The following PCDHGA6 variants were observed in gnomAD, a reference collection of about 807,000 sequenced individuals.
The protein encoded by PCDHGA6 is protocadherin gamma-A6.
PCDHGA6 carries 41 observed loss-of-function variants against 60.6 expected under a neutral mutation model. That is an observed-to-expected ratio of 0.68 (90% CI 0.53 to 0.88). PCDHGA6 has a LOEUF of 0.88. PCDHGA6 is among the 40% of genes least tolerant of loss of function. The pLI, the probability that PCDHGA6 is intolerant of heterozygous loss-of-function variation, is 0.00. For missense variants in PCDHGA6, 1,312 were observed against 1,203.0 expected (o/e 1.09, Z -1.34); for synonymous variants, 594 against 524.4 (o/e 1.13, Z -1.81).
chr5:141,443,820 T>C (rs1329478151), intron 1 of PCDHGA6, among the ~76,000 whole-genome samples: 1 of 151,986 alleles, frequency 6.6e-6, no homozygotes. Flanking sequence ...TTGGAAAACA[T>C]AATTAGGTAA....
chr5:141,398,369 G>A (rs889057054), intron 1 of PCDHGA6: 2 of 1,428,778 alleles, frequency 1.4e-6, no homozygotes, highest in African/African-American at 2.9e-5. Context: ...AGCGCAGAGA[G>A]CGGGGAGTTG....
intron 1 of PCDHGA6, chr5:141,379,581 T>A (rs1300858565): frequency 6.6e-6 from 1 of 152,240 alleles, no homozygotes; most frequent in Non-Finnish European, 1.5e-5. Context: ...TGGTTTATTT[T>A]ATTCTCTTAT....
At chr5:141,435,214 AC>A (rs1332585721) in intron 1 of PCDHGA6, among the ~76,000 whole-genome samples, 1 of 152,176 alleles carries the variant, frequency 6.6e-6, no homozygotes, top group African/African-American at 2.4e-5. Flanking sequence ...AAGTGAATTT[AC>A]TTTCTTTCAA....
Position 141,432,151 on chromosome 5 carries a change from C to T in PCDHGA6, c.2424+55644C>T. 2 of 1,614,122 alleles carry T rather than the reference C, an allele frequency of 1.2e-6. No homozygotes were observed. The highest frequency in any genetic ancestry group is 2.2e-5 in the South Asian group (2 of 91,066). ...CCTATTCCGCTTATATCCCAGAGAA[C>T]AATCCCAGAGGAGTTTCCCTCGTCT... On this transcript the variant is annotated intron_variant, in intron 1 of 3. Transcript: ENST00000517434. The surrounding 1 kb of genome is among the most constrained non-coding windows in gnomAD (Gnocchi z 6.0).
chr5:141,485,239 C>T lies in PCDHGA6; in HGVS notation c.2425-9568C>T. ...GGGCTACCCTTTTGTTCCTCTTTTA[C>T]CACCTGGGTTACGTTTGTGGGCAGA... On this transcript the variant is annotated intron_variant, in intron 1 of 3. Transcript: ENST00000517434. This position sits in a 1 kb window ranked among gnomAD's most constrained non-coding sequence, Gnocchi z 5.7. The T allele has an allele frequency of 6.2e-7, 1 of 1,614,140 alleles. No homozygotes were observed. Among genetic ancestry groups the T allele is most frequent in the South Asian group, 1.1e-5 (1 of 91,072 alleles).
intron 1 of PCDHGA6, chr5:141,413,071 G>A (rs1589838233): frequency 1.7e-6 from 2 of 1,211,262 alleles, no homozygotes; most frequent in Admixed American, 2.8e-5. Flanking sequence ...AATTTAAAGT[G>A]CCCAGGCTAC....
In PCDHGA6 at chr5:141,376,319, G is replaced by C; in HGVS notation, c.2236G>C (p.Val746Leu). 6 of 1,614,220 alleles carry C rather than the reference G, an allele frequency of 3.7e-6. No homozygotes were observed. Among genetic ancestry groups the C allele is most frequent in the Non-Finnish European group, 4.2e-6 (5 of 1,180,050 alleles). Reference protein sequence around the residue: ...PGSHFVGVEGVRAFLQTYSHE... With the variant: ...PGSHFVGVEGLRAFLQTYSHE... ...CTCGCACTTTGTGGGCGTGGAAGGG[G>C]TTCGGGCTTTCCTGCAGACCTATTC... The change falls in exon 1 of 4, where the codon GTT becomes CTT. Residue 746 changes from valine to leucine, a missense_variant. Val to Leu is a conservative substitution (Grantham distance 32). Transcript: ENST00000517434.
rs1053132512 is a variant in PCDHGA6 at position 141,409,714 on chromosome 5, C to A, written c.2424+33207C>A. The A allele has an allele frequency of 3.7e-6, 6 of 1,613,108 alleles. No individual in the cohort carries two copies. The African/African-American group carries it at 8.0e-5, about 22-fold the overall frequency. On this transcript the variant is annotated intron_variant, in intron 1 of 3. Transcript: ENST00000517434. ...TAGAGCCCCTGGCGGTGTCGTCATACGTGTCAGTGAGCGCGCAGAGCGGGG... is the reference window on the plus strand; with the variant it reads ...TAGAGCCCCTGGCGGTGTCGTCATAAGTGTCAGTGAGCGCGCAGAGCGGGG...
rs200348921 is a variant in PCDHGA6 at position 141,374,104 on chromosome 5, T to G, written c.21T>G (p.His7Gln). 296 of 1,570,490 alleles carry G rather than the reference T, an allele frequency of 1.9e-4. No individual in the cohort carries two copies. Among genetic ancestry groups the G allele is most frequent in the Non-Finnish European group, 2.4e-4 (283 of 1,156,394 alleles). Residue 7 changes from histidine (H) to glutamine (Q), a missense_variant, in exon 1 of 4, where the codon CAT (histidine) becomes CAG (glutamine). His to Gln is a conservative substitution (Grantham distance 24). Transcript: ENST00000517434. MAPPQR[H>Q]PQRSEQVLLL... ...CAGTAATGGCGCCTCCGCAGAGGCA[T>G]CCGCAGCGCAGCGAGCAGGTCCTGC...
intron 1 of PCDHGA6, chr5:141,409,419 CAGAT>C (rs1303289792): frequency 3.1e-6 from 5 of 1,614,028 alleles, no homozygotes; most frequent in Non-Finnish European, 3.4e-6. Context: ...AAACTGGTGA[CAGAT>C]GGAGCCCTGG....
At chr5:141,468,871 T>TAAG (rs796694379) in intron 1 of PCDHGA6, among the ~76,000 whole-genome samples, 1 of 148,338 alleles carries the variant, frequency 6.7e-6, no homozygotes, top group African/African-American at 2.5e-5. Flanking sequence ...ATCTCAAAAA[T>TAAG]AATAATAATA....
chr5:141,433,703 G>T (rs1561871157), intron 1 of PCDHGA6, among the ~76,000 whole-genome samples: 1 of 152,098 alleles, frequency 6.6e-6, no homozygotes, highest in Non-Finnish European at 1.5e-5. Flanking sequence ...CGGGCGTGGT[G>T]GTGCATGTCT....
intron 1 of PCDHGA6, chr5:141,399,615 A>G (rs756068630): frequency 1.2e-6 from 2 of 1,613,942 alleles, no homozygotes; most frequent in South Asian, 1.1e-5. Context: ...AGCCTCTGGC[A>G]CTGGCCTCTT....
At chr5:141,395,359 G>T in intron 1 of PCDHGA6, 2 of 1,289,368 alleles carry the variant, frequency 1.6e-6, no homozygotes, top group East Asian at 5.1e-5. Flanking sequence ...CAGAGTTTTG[G>T]GTTTATTTTG....
At chr5:141,482,755 T>TGAAGTGGGAG (rs1554165462) in intron 1 of PCDHGA6, among the ~76,000 whole-genome samples, 1 of 143,580 alleles carries the variant, frequency 7.0e-6, no homozygotes, top group South Asian at 2.1e-4. Context: ...GGGATTATGG[T>TGAAGTGGGAG]ATTTCATTAT....
At chr5:141,419,689 G>T in intron 1 of PCDHGA6, 1 of 1,613,000 alleles carries the variant, frequency 6.2e-7, no homozygotes, top group African/African-American at 1.3e-5. Context: ...ACGTGGTGCA[G>T]GCCAGTGAGC....
intron 1 of PCDHGA6, chr5:141,419,553 C>T (rs2096398346): frequency 1.2e-5 from 20 of 1,611,902 alleles, no homozygotes; most frequent in Non-Finnish European, 1.4e-5. Flanking sequence ...GTGCTGTACC[C>T]TGCGCTGGGT....
chr5:141,413,682 C>G, intron 1 of PCDHGA6: 1 of 1,613,798 alleles, frequency 6.2e-7, no homozygotes, highest in South Asian at 1.1e-5. Context: ...TGGGCGTGAA[C>G]TCCCTGCAGA....
chr5:141,394,508 C>A (rs776107587), intron 1 of PCDHGA6: 3 of 1,614,104 alleles, frequency 1.9e-6, no homozygotes, highest in Non-Finnish European at 2.5e-6. Context: ...TCCTGTACCC[C>A]GCCCTCCCCA....
Sources: allele counts gnomAD v4.1 joint callset (sites outside exome capture counted in the v4.1 genomes callset), GRCh38; gene constraint gnomAD v4.1.1; non-coding constraint Gnocchi (gnomAD v3.1); transcripts MANE v1.5; gene names NCBI Gene and HGNC (gene_info 2026-07-23, HGNC 2026-07-21).